The following DPAGT1 variants were observed in gnomAD, a reference collection of about 807,000 sequenced individuals.
DPAGT1 encodes dolichyl-phosphate N-acetylglucosaminephosphotransferase 1, also known as UDP-N-acetylglucosamine--dolichyl-phosphate N-acetylglucosaminephosphotransferase.
In DPAGT1, 25 loss-of-function variants were observed where a neutral mutation model predicts 39.3. The observed-to-expected ratio is 0.64, with a 90% CI of 0.46 to 0.89. DPAGT1 has a LOEUF of 0.89. Ranked by LOEUF, DPAGT1 falls within the 40% of genes least tolerant of loss-of-function variation. The pLI is 0.00. For missense variants in DPAGT1, 381 were observed against 500.6 expected, an observed-to-expected ratio of 0.76 and a Z score of 2.28; for synonymous variants, 193 against 201.4, an observed-to-expected ratio of 0.96 and a Z score of 0.36.
downstream of DPAGT1, chr11:119,096,428 C>T (rs1261066841): frequency 5.8e-6 from 1 of 172,560 alleles, no homozygotes; most frequent in Non-Finnish European, 1.3e-5. Context: ...GAGAGATAGG[C>T]ATCCTGTTGG....
Position 119,100,672 on chromosome 11 carries a change from G to A in DPAGT1, c.454C>T (p.Pro152Ser). ...TNFGNTTIVVPKPFRPILGLH... is the reference protein window; with the variant it reads ...TNFGNTTIVVSKPFRPILGLH... ...CCAAGTATCGGGCGGAAGGGCTTGGGCACCACAATGGTCGTGTTGCCAAAG... is the reference window on the plus strand; with the variant it reads ...CCAAGTATCGGGCGGAAGGGCTTGGACACCACAATGGTCGTGTTGCCAAAG... Residue 152 changes from proline (P) to serine (S), a missense_variant, in exon 3 of 9, where the codon CCC becomes TCC. Coordinates refer to ENST00000354202, the MANE Select transcript of DPAGT1 (RefSeq NM_001382.4). 1.9e-6 allele frequency: 3 copies of A among 1,614,198 alleles called. No homozygotes were observed. Among genetic ancestry groups the A allele is most frequent in the South Asian group, 2.2e-5 (2 of 91,086 alleles).
chr11:119,095,544 A>G, downstream of DPAGT1: 2 of 843,370 alleles, frequency 2.4e-6, no homozygotes, highest in Non-Finnish European at 3.4e-6. Flanking sequence ...TCTTTTCTCC[A>G]ATACCCGCCT....
downstream of DPAGT1, chr11:119,094,834 G>A (rs1300582855): frequency 7.9e-6 from 8 of 1,007,310 alleles, no homozygotes; most frequent in East Asian, 1.4e-4. Context: ...GGGAGGGGAA[G>A]GGAGCCGCGG....
chr11:119,094,714 G>C (rs1946360715), downstream of DPAGT1: 1 of 399,772 alleles, frequency 2.5e-6, no homozygotes, highest in Non-Finnish European at 4.4e-6. Context: ...CCCTACCGGA[G>C]GGCGGACGGC....
chr11:119,098,272 C>G (rs768645012), intron 5 of DPAGT1, 131 bp downstream of exon 5: 8 of 1,197,926 alleles, frequency 6.7e-6, no homozygotes, highest in Non-Finnish European at 1.0e-5. Flanking sequence ...CAGAATACGA[C>G]CAACTGAAGA....
In DPAGT1 at chr11:119,101,762, C is replaced by T; in HGVS notation, c.-107G>A. 6.3e-7 allele frequency: 1 copy of T among 1,581,412 alleles called. No individual in the cohort carries two copies. The highest frequency in any genetic ancestry group is 2.3e-5 in the East Asian group (1 of 42,964). The stretch of plus-strand genomic sequence containing the variant: ...GGAGTGGCCGCTCCCCACAGGCAGG[C>T]TCTTCCCACACCAATCTGAGCAAAA... On this transcript the variant is annotated 5_prime_UTR_variant, in exon 1 of 9. Transcript: ENST00000354202.
Position 119,101,825 on chromosome 11 carries a change from G to C in DPAGT1, c.-170C>G, listed in dbSNP as rs1446644937. On this transcript the variant is annotated 5_prime_UTR_variant, in exon 1 of 9. Transcript: ENST00000354202. ...GACTTGAGCCGCCGTCGGGACACCG[G>C]GGAACCTCTCTAAGGCAACCTATGT... 1 of 1,497,526 alleles carries C rather than the reference G, an allele frequency of 6.7e-7. No individual in the cohort carries two copies. The highest frequency in any genetic ancestry group is 8.9e-7 in the Non-Finnish European group (1 of 1,125,296). 92.8% of individuals were successfully genotyped at this position (1,497,526 alleles called of 1,614,324 possible). A position where few individuals can be genotyped will look rare whatever the true frequency, so the allele number is the denominator to read the frequency against.
chr11:119,094,656 C>T (rs1650600967), downstream of DPAGT1: 1 of 241,338 alleles, frequency 4.1e-6, no homozygotes, highest in Admixed American at 5.7e-5. Context: ...GTCTTCCGCG[C>T]CACGGAGGTC....
intron 4 of DPAGT1, among the ~76,000 whole-genome samples, chr11:119,100,032 A>G (rs1360125707): frequency 6.6e-6 from 1 of 152,172 alleles, no homozygotes. Flanking sequence ...ATTCAATGGG[A>G]GAAGATCATG....
At chr11:119,098,512 G>T in intron 4 of DPAGT1, 25 bp from the exon 5 acceptor site, 1 of 1,611,680 alleles carries the variant, frequency 6.2e-7, no homozygotes, top group Non-Finnish European at 8.5e-7. Context: ...AAGAAAGAAG[G>T]AAAAGTTAAT....
In DPAGT1 at chr11:119,097,742, T is replaced by C. The variant is rs1662970016; in HGVS notation, c.917+113A>G. 6.6e-7 allele frequency: 1 copy of C among 1,509,588 alleles called. No homozygotes were observed. The highest frequency in any genetic ancestry group is 9.2e-7 in the Non-Finnish European group (1 of 1,088,228). 93.5% of individuals were successfully genotyped at this position (1,509,588 alleles called of 1,614,324 possible). On this transcript the variant is annotated intron_variant, in intron 6 of 8. Coordinates refer to ENST00000354202, the MANE Select transcript of DPAGT1 (RefSeq NM_001382.4). The surrounding 1 kb of genome is among the most constrained non-coding windows in gnomAD (Gnocchi z 4.6). ...TGTAAGTTATAAAGGGCTACTCACA[T>C]GGAAATAGCCCTTCTTTGGGCCCAC...
At position 119,100,742 on chromosome 11, in the gene DPAGT1, TAGC is replaced by T. The variant is rs756776562; in HGVS notation, c.381_383del (p.Leu128del). 6.2e-7 allele frequency: 1 copy of T among 1,614,150 alleles called. No homozygotes were observed. Among genetic ancestry groups the T allele is most frequent in the Admixed American group, 1.7e-5 (1 of 60,024 alleles). Reference sequence around the variant, plus strand: ...GGAGAGGTAGTGAGGCAGCTGTAGGTAGCAGCAGCTTATGGCGCCAGCGCAGAT... The same window carrying T: ...GGAGAGGTAGTGAGGCAGCTGTAGGTAGCAGCTTATGGCGCCAGCGCAGAT... On this transcript the variant is annotated inframe_deletion, in exon 3 of 9. Transcript: ENST00000354202.
At chr11:119,094,772 AGCGGGGGCGGGC>A, downstream of DPAGT1, 1 of 606,640 alleles carries the variant, frequency 1.6e-6, no homozygotes, top group Non-Finnish European at 2.7e-6. Context: ...GCGGGACGGG[AGCGGGGGCGGGC>A]GGGGACTCGA....
At position 119,097,497 on chromosome 11, in the gene DPAGT1, C is replaced by T. The variant is rs550478594; in HGVS notation, c.972G>A (p.Lys324=). ...TAAAGGTGCCCAAGAAAGAGAGGCT[C>T]TTGGTCTTGAACTTGGAATAGCTCA... ...LEMSYSKFKT[K]SLSFLGTFIL... is the part of the protein sequence containing the mutation. The change falls in exon 7 of 9, where the codon AAG becomes AAA. Residue 324 remains lysine, a synonymous_variant. Transcript: ENST00000354202. This position sits in a 1 kb window ranked among gnomAD's most constrained non-coding sequence, Gnocchi z 4.6. The T allele has an allele frequency of 1.2e-6, 2 of 1,614,190 alleles. No homozygotes were observed. The highest frequency in any genetic ancestry group is 1.3e-5 in the African/African-American group (1 of 75,048).
At chr11:119,100,911 T>G (rs1453392858) in intron 2 of DPAGT1, 68 bp from the exon 3 acceptor site, 1 of 1,613,756 alleles carries the variant, frequency 6.2e-7, no homozygotes, top group Non-Finnish European at 8.5e-7. Context: ...AATTCCTGTC[T>G]TTTCTGATAA....
downstream of DPAGT1, among the ~76,000 whole-genome samples, chr11:119,096,086 C>T (rs1223737217): frequency 2.0e-5 from 3 of 152,134 alleles, no homozygotes; most frequent in Non-Finnish European, 4.4e-5. Context: ...CCTGCTAAAC[C>T]TCCCTCGTAG....
chr11:119,101,291 G>T, intron 1 of DPAGT1, 153 bp from the exon 2 acceptor site: 1 of 1,358,136 alleles, frequency 7.4e-7, no homozygotes, highest in Non-Finnish European at 1.0e-6. Flanking sequence ...AAGCACCACT[G>T]CCAGAGTCCC....
rs1946426328 is a variant in DPAGT1, at chr11:119,097,902, C to T, written c.870G>A (p.Leu290=). ...MPQVFNFLYS[L]PQLLHIIPCP... is the part of the protein sequence containing the mutation. ...AGGGGATGATATGCAGGAGCTGAGG[C>T]AGTGAGTAGAGGAAGTTGAACACCT... The change falls in exon 6 of 9, where the codon CTG becomes CTA. Residue 290 remains leucine, a synonymous_variant. Transcript: ENST00000354202. The surrounding 1 kb of genome is among the most constrained non-coding windows in gnomAD (Gnocchi z 4.6). The T allele has an allele frequency of 6.2e-6, 10 of 1,614,056 alleles. No individual in the cohort carries two copies. Among genetic ancestry groups the T allele is most frequent in the Non-Finnish European group, 8.5e-6 (10 of 1,180,044 alleles).
chr11:119,094,811 CGGGCG>C, downstream of DPAGT1: 3 of 809,624 alleles, frequency 3.7e-6, no homozygotes, highest in South Asian at 5.9e-5. Flanking sequence ...GCGGCGAAGG[CGGGCG>C]AGGGGAGGGG....
Sources: gnomAD v4.1 joint callset for allele counts (sites outside exome capture counted in the v4.1 genomes callset) on GRCh38, gnomAD v4.1.1 for gene constraint, Gnocchi (gnomAD v3.1) non-coding constraint, MANE v1.5 for transcripts, NCBI Gene and HGNC (gene_info 2026-07-23, HGNC 2026-07-21) for gene names.